The following MID1 variants were observed in gnomAD, a reference collection of about 807,000 sequenced individuals.
MID1 encodes the protein midline 1, also known as E3 ubiquitin-protein ligase Midline-1.
Under a neutral mutation model 40.4 loss-of-function variants are expected in MID1, and 7 were observed. That is an observed-to-expected ratio of 0.17 (90% CI 0.10 to 0.33). MID1 has a LOEUF of 0.33. Ranked by LOEUF, MID1 falls within the 10% of genes least tolerant of loss-of-function variation. The pLI is 1.00. For missense variants in MID1, 367 were observed against 558.5 expected (o/e 0.66, Z 3.46); for synonymous variants, 229 against 221.2 (o/e 1.04, Z -0.31).
chrX:10,786,121 G>GA (rs1270129095), intron 1 of MID1, among the ~76,000 whole-genome samples: 1 of 111,159 alleles, frequency 9.0e-6, no homozygotes, highest in Non-Finnish European at 1.9e-5. Flanking sequence ...AAATTTACAA[G>GA]AAAAAAACAA....
chrX:10,646,897 G>A (rs78454454), intron 1 of MID1, among the ~76,000 whole-genome samples: 3 of 111,594 alleles, frequency 2.7e-5, no homozygotes, highest in Admixed American at 1.9e-4. Flanking sequence ...AGAAAAAGAA[G>A]GTGTGAAACA....
At chrX:10,731,019 T>C (rs2043445435) in intron 1 of MID1, among the ~76,000 whole-genome samples, 1 of 112,186 alleles carries the variant, frequency 8.9e-6, no homozygotes, top group South Asian at 3.6e-4. Context: ...ATAACTTTAA[T>C]GTATATAATG....
chrX:10,483,652 G>A (rs913073140), intron 4 of MID1, among the ~76,000 whole-genome samples: 11 of 112,119 alleles, frequency 9.8e-5, no homozygotes, highest in African/African-American at 3.2e-4. Flanking sequence ...GAAAGGGTAC[G>A]GAGGAGACCA....
chrX:10,574,045 G>A (rs59570108), intron 1 of MID1, among the ~76,000 whole-genome samples: 3,130 of 111,448 alleles, frequency 0.028, 115 homozygotes, highest in African/African-American at 0.096. Context: ...GGTCCCCAAA[G>A]ATATCCACAG....
chrX:10,614,030 T>C (rs1347631226), intron 1 of MID1, among the ~76,000 whole-genome samples: 1 of 109,509 alleles, frequency 9.1e-6, no homozygotes, highest in African/African-American at 3.3e-5. Context: ...ATGATTCTTA[T>C]TGTGTGCCAG....
intron 4 of MID1, among the ~76,000 whole-genome samples, chrX:10,486,782 T>C (rs1930639921): frequency 8.9e-6 from 1 of 112,562 alleles, no homozygotes. Context: ...AACTGTCCTG[T>C]ACATAGTACC....
chrX:10,593,265 G>A (rs1297521261), intron 1 of MID1, among the ~76,000 whole-genome samples: 5 of 112,032 alleles, frequency 4.5e-5, no homozygotes, highest in African/African-American at 9.7e-5. Context: ...TAGTACTTCC[G>A]ATCAATTTTG....
At chrX:10,727,539 C>T (rs112343934) in intron 1 of MID1, among the ~76,000 whole-genome samples, 1,913 of 112,119 alleles carry the variant, frequency 0.017, 31 homozygotes, top group African/African-American at 0.059. Context: ...GAGGGAACTT[C>T]GCAATTTTTT....
chrX:10,496,072 T>TA (rs201452612), intron 3 of MID1, among the ~76,000 whole-genome samples: 5,161 of 111,748 alleles, frequency 0.046, 298 homozygotes, highest in African/African-American at 0.15. Flanking sequence ...AAAAGTAAGT[T>TA]AAAAAAAATC....
At chrX:10,528,047 A>G in intron 2 of MID1, among the ~76,000 whole-genome samples, 1 of 111,455 alleles carries the variant, frequency 9.0e-6, no homozygotes, top group East Asian at 2.8e-4. Context: ...ATTGCTTTAG[A>G]AAGACATTTG....
At chrX:10,537,740 T>C (rs140388819) in intron 2 of MID1, among the ~76,000 whole-genome samples, 43 of 112,200 alleles carry the variant, frequency 3.8e-4, no homozygotes, top group African/African-American at 1.3e-3. Flanking sequence ...TGGCTTCATA[T>C]GTACATATTC....
At chrX:10,698,546 T>C (rs1342340172) in intron 1 of MID1, among the ~76,000 whole-genome samples, 1 of 110,358 alleles carries the variant, frequency 9.1e-6, no homozygotes, top group Non-Finnish European at 1.9e-5. Context: ...TCAGGAAGGG[T>C]AATGGAGCAC....
intron 2 of MID1, among the ~76,000 whole-genome samples, chrX:10,528,964 G>A (rs1472962250): frequency 9.0e-6 from 1 of 111,372 alleles, no homozygotes; most frequent in Non-Finnish European, 1.9e-5. Flanking sequence ...GTGCCAGTCT[G>A]CCTGGTTTGA....
intron 1 of MID1, among the ~76,000 whole-genome samples, chrX:10,734,688 G>T (rs1209980360): frequency 1.8e-5 from 2 of 111,571 alleles, no homozygotes; most frequent in East Asian, 5.6e-4. Context: ...CCAAGCCAAA[G>T]ATGCCAGACA....
chrX:10,723,980 T>C, intron 1 of MID1, among the ~76,000 whole-genome samples: 1 of 112,714 alleles, frequency 8.9e-6, no homozygotes, highest in South Asian at 3.6e-4. Context: ...CTAATTGCAC[T>C]TCTAGTCAAA....
chrX:10,804,939 T>C (rs1329331856), intron 1 of MID1, among the ~76,000 whole-genome samples: 1 of 111,393 alleles, frequency 9.0e-6, no homozygotes, highest in African/African-American at 3.3e-5. Flanking sequence ...GGCCAAGCAC[T>C]AAGTAAATTT....
chrX:10,623,045 G>A (rs906527717), upstream of MID1, among the ~76,000 whole-genome samples: 1 of 96,712 alleles, frequency 1.0e-5, no homozygotes, highest in Non-Finnish European at 2.0e-5. Flanking sequence ...TCAGGAGTTT[G>A]AGACCAGCCT....
Position 10,800,253 on chromosome X carries a change from G to A in MID1, c.-187+33301C>T, listed in dbSNP as rs1182060507. 2.7e-5 allele frequency among the ~76,000 whole-genome samples: 3 copies of A among 112,111 alleles called. No individual in the cohort carries two copies. In the Admixed American group the frequency reaches 2.8e-4, roughly 11 times the overall value. On this transcript the variant is annotated intron_variant, in intron 1 of 10. Transcript: ENST00000380785. The stretch of plus-strand genomic sequence containing the variant: ...GGAGAGGCCCACATGGCAAGGAATT[G>A]AGGGTGGTCTCTGGGCAACAGTCAG...
At chrX:10,589,361 A>G (rs1196142959) in intron 1 of MID1, among the ~76,000 whole-genome samples, 1 of 110,635 alleles carries the variant, frequency 9.0e-6, no homozygotes, top group Non-Finnish European at 1.9e-5. Context: ...AGCAATTCAA[A>G]CCAAGTCAAA....
Sources: gnomAD v4.1 joint callset for allele counts (sites outside exome capture counted in the v4.1 genomes callset) on GRCh38, gnomAD v4.1.1 for gene constraint, MANE v1.5 for transcripts, NCBI Gene and HGNC (gene_info 2026-07-23, HGNC 2026-07-21) for gene names.